The following CSMD1 variants were observed in gnomAD, a reference collection of about 807,000 sequenced individuals.
CSMD1 encodes CUB and Sushi multiple domains 1.
A neutral mutation model predicts 417.5 loss-of-function variants in CSMD1; 213 were observed. That is an observed-to-expected ratio of 0.51 (90% CI 0.46 to 0.57). CSMD1 has a LOEUF of 0.57. Among genes scored for constraint, CSMD1 ranks in the 20% least tolerant of loss-of-function variants. The pLI is 0.00. For missense variants in CSMD1, 6,923 were observed against 4,529.7 expected (o/e 1.53, Z -15.17); for synonymous variants, 2,862 against 1,736.8 (o/e 1.65, Z -16.11).
At chr8:3,447,102 T>A (rs187396812) in intron 12 of CSMD1, among the ~76,000 whole-genome samples, 128 of 152,220 alleles carry the variant, frequency 8.4e-4, no homozygotes, top group African/African-American at 2.9e-3. Context: ...ACCTCATTAA[T>A]AAAAGGATTA....
chr8:3,004,389 T>C (rs978842822), intron 52 of CSMD1, among the ~76,000 whole-genome samples: 1 of 152,192 alleles, frequency 6.6e-6, no homozygotes, highest in Admixed American at 6.5e-5. Flanking sequence ...GAAATTGTCC[T>C]ATTAAAGTGT....
chr8:4,172,336 T>C (rs193058458), intron 3 of CSMD1, among the ~76,000 whole-genome samples: 98 of 152,208 alleles, frequency 6.4e-4, no homozygotes, highest in East Asian at 5.4e-3. Flanking sequence ...ACTAGTGTCA[T>C]TGAGAAAATA....
chr8:4,142,547 C>T (rs1352967669), intron 3 of CSMD1, among the ~76,000 whole-genome samples: 2 of 151,308 alleles, frequency 1.3e-5, no homozygotes, highest in Non-Finnish European at 1.5e-5. Flanking sequence ...CATGTTCAGA[C>T]ACTAAAATGA....
intron 29 of CSMD1, among the ~76,000 whole-genome samples, chr8:3,216,636 A>T (rs2116829703): frequency 6.6e-6 from 1 of 152,276 alleles, no homozygotes; most frequent in South Asian, 2.1e-4. Context: ...TCACTTCAGG[A>T]TGTTCCGTGA....
At chr8:4,286,563 G>A (rs1237283827) in intron 3 of CSMD1, among the ~76,000 whole-genome samples, 2 of 152,000 alleles carry the variant, frequency 1.3e-5, no homozygotes, top group Non-Finnish European at 2.9e-5. Flanking sequence ...GCATGATCAC[G>A]AGGACACCCA....
intron 3 of CSMD1, among the ~76,000 whole-genome samples, chr8:4,142,745 T>C (rs17069130): frequency 0.34 from 50,964 of 150,612 alleles, 9,657 homozygotes; most frequent in Non-Finnish European, 0.39. Flanking sequence ...TGAGATTACA[T>C]TGAACTTGCC....
intron 29 of CSMD1, among the ~76,000 whole-genome samples, chr8:3,215,470 G>A (rs765774375): frequency 6.6e-6 from 1 of 152,138 alleles, no homozygotes; most frequent in African/African-American, 2.4e-5. Flanking sequence ...GGACACCTCT[G>A]CCAGGAAAGG....
At chr8:4,644,382 C>T (rs1349462080) in intron 1 of CSMD1, among the ~76,000 whole-genome samples, 1 of 149,624 alleles carries the variant, frequency 6.7e-6, no homozygotes, top group African/African-American at 2.5e-5. Flanking sequence ...CAATCAGCAA[C>T]ATTCTTCCAA....
chr8:3,404,862 A>C (rs972278785), intron 15 of CSMD1, among the ~76,000 whole-genome samples: 1 of 152,122 alleles, frequency 6.6e-6, no homozygotes, highest in African/African-American at 2.4e-5. Context: ...ATTCTTCATG[A>C]TTTATCTAAT....
intron 3 of CSMD1, among the ~76,000 whole-genome samples, chr8:4,068,549 C>G (rs1477163864): frequency 6.6e-6 from 1 of 152,120 alleles, no homozygotes; most frequent in Admixed American, 6.6e-5. Flanking sequence ...TAAAATGTAT[C>G]CTCTGGAGGC....
At chr8:4,139,826 C>A (rs1400830248) in intron 3 of CSMD1, among the ~76,000 whole-genome samples, 1 of 150,800 alleles carries the variant, frequency 6.6e-6, no homozygotes, top group Non-Finnish European at 1.5e-5. Flanking sequence ...CCACAGAGGG[C>A]CTTGGAGCAG....
intron 7 of CSMD1, among the ~76,000 whole-genome samples, chr8:3,638,639 G>A (rs1797158183): frequency 6.6e-6 from 1 of 152,200 alleles, no homozygotes; most frequent in South Asian, 2.1e-4. Context: ...AGGAGCAGGT[G>A]AAACATGGGC....
At chr8:4,730,002 C>G (rs1401590277) in intron 1 of CSMD1, among the ~76,000 whole-genome samples, 1 of 152,146 alleles carries the variant, frequency 6.6e-6, no homozygotes, top group African/African-American at 2.4e-5. Context: ...GATTCTGAAA[C>G]TCGTGATTCA....
intron 1 of CSMD1, among the ~76,000 whole-genome samples, chr8:4,821,664 T>C (rs933558736): frequency 6.6e-6 from 1 of 152,106 alleles, no homozygotes; most frequent in Non-Finnish European, 1.5e-5. Context: ...TGAAAGGAAA[T>C]GATGACTCTG....
chr8:4,316,386 T>C (rs552317206), intron 3 of CSMD1, among the ~76,000 whole-genome samples: 319 of 152,278 alleles, frequency 2.1e-3, no homozygotes, highest in African/African-American at 7.0e-3. Flanking sequence ...CAGACCTCTG[T>C]TAATTCTTGG....
intron 2 of CSMD1, among the ~76,000 whole-genome samples, chr8:4,516,046 C>G (rs1297617706): frequency 6.6e-6 from 1 of 152,074 alleles, no homozygotes; most frequent in African/African-American, 2.4e-5. Context: ...TCTGTCTTCC[C>G]AAAACTGCTA....
intron 12 of CSMD1, among the ~76,000 whole-genome samples, chr8:3,434,409 C>A (rs1355714256): frequency 6.6e-6 from 1 of 152,224 alleles, no homozygotes; most frequent in Admixed American, 6.5e-5. Flanking sequence ...GTAAAGAGTT[C>A]CAGTTAATTC....
chr8:3,571,311 G>A (rs1317219921), intron 10 of CSMD1, among the ~76,000 whole-genome samples: 3 of 152,184 alleles, frequency 2.0e-5, no homozygotes, highest in East Asian at 1.9e-4. Flanking sequence ...TGGACAGTAG[G>A]CACCTTGCTA....
At chr8:4,386,147 A>G (rs865979303) in intron 3 of CSMD1, among the ~76,000 whole-genome samples, 3 of 152,012 alleles carry the variant, frequency 2.0e-5, no homozygotes, top group African/African-American at 7.2e-5. Flanking sequence ...GTCCCTGGTT[A>G]TGACTTCCAT....
Sources: gnomAD v4.1 joint callset for allele counts (sites outside exome capture counted in the v4.1 genomes callset) on GRCh38, gnomAD v4.1.1 for gene constraint, MANE v1.5 for transcripts, NCBI Gene and HGNC (gene_info 2026-07-23, HGNC 2026-07-21) for gene names.